Variants in DDX17 observed in about 807,000 individuals in gnomAD.
DDX17 encodes the protein probable ATP-dependent RNA helicase DDX17.
DDX17 carries 10 observed loss-of-function variants against 80.8 expected under a neutral mutation model. The ratio of observed to expected loss-of-function variants is 0.12; its 90% confidence interval spans 0.08 to 0.21. The LOEUF is 0.21. Ranked by LOEUF, DDX17 falls within the 10% of genes least tolerant of loss-of-function variation. DDX17 has a pLI of 1.00. For missense variants in DDX17, 586 were observed against 957.4 expected, an observed-to-expected ratio of 0.61 and a Z score of 5.12; for synonymous variants, 339 against 336.2, an observed-to-expected ratio of 1.01 and a Z score of -0.09.
rs770265277 is a variant in DDX17, at chr22:38,486,292, A to G, written c.1833T>C (p.Ala611=). 1 of 1,614,196 alleles carries G rather than the reference A, an allele frequency of 6.2e-7. No individual in the cohort carries two copies. The highest frequency in any genetic ancestry group is 8.5e-7 in the Non-Finnish European group (1 of 1,180,038). The change falls in exon 13 of 13, where the codon GCT becomes GCC. Residue 611 remains alanine, a synonymous_variant. Coordinates refer to ENST00000403230, the MANE Select transcript of DDX17 (RefSeq NM_006386.5). ...CATAGCCACTGCCATTAGCATAACC[A>G]GCTCTATCGGTTTCACTACGATCCC...
chr22:38,493,878 C>A, intron 9 of DDX17, 107 bp from the exon 10 acceptor site: 1 of 1,275,414 alleles, frequency 7.8e-7, no homozygotes, highest in South Asian at 1.2e-5. Context: ...TGTCAGGCTT[C>A]ATGAATAGAT....
intron 5 of DDX17, among the ~76,000 whole-genome samples, chr22:38,497,297 CAAAAAAAAAAAA>C (rs138448): frequency 2.8e-5 from 1 of 36,182 alleles, no homozygotes; most frequent in Non-Finnish European, 4.5e-5. Context: ...AACTCCATCT[CAAAAAAAAAAAA>C]AAAAAAAAAA....
In DDX17 at chr22:38,495,875, A is replaced by G. The variant is rs764140536; in HGVS notation, c.801T>C (p.Tyr267=). Residue 267 remains tyrosine, a synonymous_variant, in exon 6 of 13, where the codon TAT becomes TAC. Transcript: ENST00000403230. ...TACTCTTCAATCTAGAACATTTGCC[A>G]TAGTCATCGGCCACCTGCTGTACTT... The G allele has an allele frequency of 6.2e-7, 1 of 1,612,498 alleles. No homozygotes were observed. Among genetic ancestry groups the G allele is most frequent in the Non-Finnish European group, 8.5e-7 (1 of 1,179,302 alleles).
intron 1 of DDX17, among the ~76,000 whole-genome samples, chr22:38,501,626 T>A (rs2089831824): frequency 6.6e-6 from 1 of 152,228 alleles, no homozygotes. Context: ...TTATTTAACT[T>A]CCACACACCT....
At chr22:38,503,118 G>A (rs1339863783) in intron 1 of DDX17, among the ~76,000 whole-genome samples, 1 of 152,128 alleles carries the variant, frequency 6.6e-6, no homozygotes, top group Non-Finnish European at 1.5e-5. Context: ...AGAACAGGAA[G>A]AGCACATAGC....
At position 38,505,756 on chromosome 22, in the gene DDX17, A is replaced by T. The variant is rs1456654756; in HGVS notation, c.287+195T>A. ...CGCACGGAGAGGCCCAGCGTCGCCA[A>T]GCGGCCGCCCTCCTCGGGTCCCGAG... On this transcript the variant is annotated intron_variant, in intron 1 of 12. Coordinates refer to ENST00000403230, the MANE Select transcript of DDX17 (RefSeq NM_006386.5). 1.9e-5 allele frequency: 12 copies of T among 647,554 alleles called. No individual in the cohort carries two copies. In the East Asian group the frequency reaches 3.7e-4, roughly 20 times the overall value. 40.1% of individuals were successfully genotyped at this position (647,554 alleles called of 1,614,324 possible). A position where few individuals can be genotyped will look rare whatever the true frequency, so the allele number is the denominator to read the frequency against.
chr22:38,489,645 T>C lies in DDX17; in HGVS notation c.1448-1530A>G. ...ATTAAAAAAAAAAAATTAGCTGTTG[T>C]TACAGGGCTTGTGAAGAAGGGGCAT... is the stretch of plus-strand genomic sequence containing the variant. On this transcript the variant is annotated intron_variant, in intron 11 of 12. Transcript: ENST00000403230. The surrounding 1 kb of genome is among the most constrained non-coding windows in gnomAD (Gnocchi z 4.6). 1 of 985,180 alleles carries C rather than the reference T, an allele frequency of 1.0e-6. No individual in the cohort carries two copies. Among genetic ancestry groups the C allele is most frequent in the Non-Finnish European group, 1.2e-6 (1 of 829,904 alleles). 61.0% of individuals were successfully genotyped at this position (985,180 alleles called of 1,614,324 possible).
At position 38,489,112 on chromosome 22, in the gene DDX17, A is replaced by C; in HGVS notation, c.1448-997T>G. 1 of 984,284 alleles carries C rather than the reference A, an allele frequency of 1.0e-6. No homozygotes were observed. Among genetic ancestry groups the C allele is most frequent in the Non-Finnish European group, 1.2e-6 (1 of 828,890 alleles). The allele number at this position is 984,284 out of a possible 1,614,324, so 61.0% of individuals were successfully genotyped here. Reference sequence around the variant, plus strand: ...TTTTAAGAATATAACAAAGAATCCTACTGTTTTGTGGAAAAAAATCTGCAT... The same window carrying C: ...TTTTAAGAATATAACAAAGAATCCTCCTGTTTTGTGGAAAAAAATCTGCAT... On this transcript the variant is annotated intron_variant, in intron 11 of 12. Transcript: ENST00000403230. This position sits in a 1 kb window ranked among gnomAD's most constrained non-coding sequence, Gnocchi z 4.6.
intron 12 of DDX17, among the ~76,000 whole-genome samples, chr22:38,487,405 G>C (rs1206056025): frequency 5.9e-5 from 9 of 152,132 alleles, no homozygotes; most frequent in African/African-American, 2.2e-4. Flanking sequence ...GATCACCAGA[G>C]GTCAGGAGTT....
intron 12 of DDX17, 120 bp downstream of exon 12, chr22:38,487,759 G>A: frequency 1.0e-6 from 1 of 979,754 alleles, no homozygotes; most frequent in African/African-American, 1.6e-5. Flanking sequence ...ATTAGGCAGT[G>A]TCCTTTGCTA....
At chr22:38,493,666 C>T (rs772207920) in intron 10 of DDX17, 44 bp downstream of exon 10, 21 of 1,445,114 alleles carry the variant, frequency 1.5e-5, no homozygotes, top group Non-Finnish European at 2.0e-5. Flanking sequence ...CACTTATGGG[C>T]AGGGGGTGGG....
At chr22:38,490,325 C>T (rs1468099185) in intron 11 of DDX17, 1 of 1,287,162 alleles carries the variant, frequency 7.8e-7, no homozygotes, top group Non-Finnish European at 1.0e-6. Flanking sequence ...AATCGCCAAT[C>T]ACTAATAAGG....
Position 38,489,114 on chromosome 22 carries a change from T to C in DDX17, c.1448-999A>G. 1.0e-6 allele frequency: 1 copy of C among 984,450 alleles called. No individual in the cohort carries two copies. Among genetic ancestry groups the C allele is most frequent in the Non-Finnish European group, 1.2e-6 (1 of 829,090 alleles). 61.0% of individuals were successfully genotyped at this position (984,450 alleles called of 1,614,324 possible). The stretch of plus-strand genomic sequence containing the variant: ...TTAAGAATATAACAAAGAATCCTAC[T>C]GTTTTGTGGAAAAAAATCTGCATTT... On this transcript the variant is annotated intron_variant, in intron 11 of 12. Coordinates refer to ENST00000403230, the MANE Select transcript of DDX17 (RefSeq NM_006386.5). This position sits in a 1 kb window ranked among gnomAD's most constrained non-coding sequence, Gnocchi z 4.6.
At chr22:38,503,534 T>C (rs557858382) in intron 1 of DDX17, among the ~76,000 whole-genome samples, 39 of 152,336 alleles carry the variant, frequency 2.6e-4, no homozygotes, top group Middle Eastern at 3.4e-3. Flanking sequence ...CCGTCTTCCA[T>C]GTTTATAATT....
intron 2 of DDX17, among the ~76,000 whole-genome samples, 164 bp from the exon 3 acceptor site, chr22:38,499,663 T>G (rs1021957625): frequency 4.6e-5 from 7 of 152,246 alleles, no homozygotes; most frequent in African/African-American, 1.7e-4. Context: ...GCAAGGCTCC[T>G]ACTTACTTTG....
At chr22:38,499,893 G>A (rs536594902) in intron 2 of DDX17, among the ~76,000 whole-genome samples, 2 of 152,198 alleles carry the variant, frequency 1.3e-5, no homozygotes, top group South Asian at 2.1e-4. Flanking sequence ...GGCTGGGCAC[G>A]GTGGCTCCCA....
intron 12 of DDX17, 103 bp from the exon 13 acceptor site, chr22:38,486,543 A>C: frequency 1.4e-6 from 2 of 1,422,476 alleles, no homozygotes; most frequent in Non-Finnish European, 1.9e-6. Flanking sequence ...TGTCTCCTTG[A>C]TATTTAGTTA....
chr22:38,504,127 C>A (rs1413103560), intron 1 of DDX17, among the ~76,000 whole-genome samples: 1 of 152,198 alleles, frequency 6.6e-6, no homozygotes, highest in Non-Finnish European at 1.5e-5. Context: ...TTCAAGCTTA[C>A]AACTTTCACC....
chr22:38,503,803 C>T (rs1256747088), intron 1 of DDX17, among the ~76,000 whole-genome samples: 1 of 152,190 alleles, frequency 6.6e-6, no homozygotes, highest in African/African-American at 2.4e-5. Context: ...CATGAACTGA[C>T]CTCACCTATT....
Sources: allele counts gnomAD v4.1 joint callset (sites outside exome capture counted in the v4.1 genomes callset), GRCh38; gene constraint gnomAD v4.1.1; non-coding constraint Gnocchi (gnomAD v3.1); transcripts MANE v1.5; gene names NCBI Gene and HGNC (gene_info 2026-07-23, HGNC 2026-07-21).